The following C2CD3 variants were observed in gnomAD, a reference collection of about 807,000 sequenced individuals.
C2CD3 encodes the protein C2 domain containing 3 centriole elongation regulator.
In C2CD3, 148 loss-of-function variants were observed where a neutral mutation model predicts 234.0. The ratio of observed to expected loss-of-function variants is 0.63; its 90% CI spans 0.55 to 0.72. The LOEUF is 0.72. Among genes scored for constraint, C2CD3 ranks in the 30% least tolerant of loss-of-function variants. C2CD3 has a pLI of 0.00. For missense variants in C2CD3, 2,577 were observed against 2,811.5 expected (o/e 0.92, Z 1.89); for synonymous variants, 1,000 against 1,035.4 (o/e 0.97, Z 0.66).
At chr11:74,151,869 GA>G in intron 3 of C2CD3, among the ~76,000 whole-genome samples, 1 of 152,176 alleles carries the variant, frequency 6.6e-6, no homozygotes, top group East Asian at 1.9e-4. Flanking sequence ...AAGAAAAAAA[GA>G]AAATGTACAT....
chr11:74,104,636 C>G (rs993501958), intron 13 of C2CD3, among the ~76,000 whole-genome samples: 8 of 151,640 alleles, frequency 5.3e-5, no homozygotes, highest in Admixed American at 5.3e-4. Flanking sequence ...ATAAAAAAGT[C>G]TAAATAATTA....
intron 29 of C2CD3, among the ~76,000 whole-genome samples, chr11:74,038,507 C>T (rs77794320): frequency 0.057 from 8,648 of 152,106 alleles, 788 homozygotes; most frequent in African/African-American, 0.2. Context: ...GTGACTTGTC[C>T]AGAGCAGGGA....
At chr11:74,064,227 A>AT (rs1271484915) in intron 24 of C2CD3, among the ~76,000 whole-genome samples, 1 of 152,200 alleles carries the variant, frequency 6.6e-6, no homozygotes, top group Non-Finnish European at 1.5e-5. Flanking sequence ...CAACTTCAGC[A>AT]AAGTCTCAGA....
chr11:74,091,806 A>G (rs1167825177), intron 19 of C2CD3, among the ~76,000 whole-genome samples: 1 of 152,182 alleles, frequency 6.6e-6, no homozygotes, highest in Non-Finnish European at 1.5e-5. Context: ...GCTGAAGTTA[A>G]AGGTGAAATG....
At chr11:74,083,920 T>C (rs1326065006) in intron 22 of C2CD3, among the ~76,000 whole-genome samples, 4 of 152,222 alleles carry the variant, frequency 2.6e-5, no homozygotes, top group Non-Finnish European at 4.4e-5. Context: ...AATTACCATT[T>C]GACCCAGCCA....
At chr11:74,068,611 C>T (rs920246726) in intron 24 of C2CD3, among the ~76,000 whole-genome samples, 1 of 152,108 alleles carries the variant, frequency 6.6e-6, no homozygotes, top group African/African-American at 2.4e-5. Context: ...CACCTAGGTT[C>T]CAATGTAGTC....
At chr11:74,080,348 C>T (rs1453689584) in intron 22 of C2CD3, among the ~76,000 whole-genome samples, 1 of 152,058 alleles carries the variant, frequency 6.6e-6, no homozygotes, top group African/African-American at 2.4e-5. Context: ...ATTTTGATCT[C>T]TAAGGCTCTT....
In C2CD3 at chr11:74,133,489, T is replaced by C. The variant is rs572903720; in HGVS notation, c.1024A>G (p.Thr342Ala). 23 of 1,613,886 alleles carry C rather than the reference T, an allele frequency of 1.4e-5. No homozygotes were observed. The South Asian group carries it at 2.5e-4, about 18-fold the overall frequency. ...VISAMKSSPE[T>A]SMLLDQVHPP... The stretch of plus-strand genomic sequence containing the variant: ...TGAACTTGGTCCAACAACATGCTGG[T>C]CTCTGGGCTTGATTTCATTGCAGAA... Residue 342 changes from threonine to alanine, a missense_variant, in exon 6 of 33, where the codon ACC (threonine) becomes GCC (alanine). By Grantham distance (58) the Thr-to-Ala change is moderately conservative. Transcript: ENST00000334126.
chr11:74,110,754 T>C (rs1364902797), intron 11 of C2CD3, among the ~76,000 whole-genome samples: 1 of 152,236 alleles, frequency 6.6e-6, no homozygotes, highest in Non-Finnish European at 1.5e-5. Context: ...GTTAAGGCAG[T>C]AAGTGAAGAA....
chr11:74,131,483 C>T (rs1957679889), intron 7 of C2CD3, among the ~76,000 whole-genome samples: 2 of 151,962 alleles, frequency 1.3e-5, no homozygotes, highest in Admixed American at 1.3e-4. Context: ...TTATATGTTG[C>T]TGGGTTCGGT....
chr11:74,084,823 T>C, intron 22 of C2CD3, 58 bp downstream of exon 22: 1 of 1,001,854 alleles, frequency 1.0e-6, no homozygotes. Context: ...AGATTACCTC[T>C]TGTAGGGAAG....
intron 28 of C2CD3, among the ~76,000 whole-genome samples, chr11:74,045,523 A>C (rs1018440058): frequency 6.6e-6 from 1 of 152,048 alleles, no homozygotes. Context: ...TAATCCATAG[A>C]TATGGGATGT....
intron 26 of C2CD3, among the ~76,000 whole-genome samples, chr11:74,053,976 A>G (rs1240704443): frequency 6.6e-6 from 1 of 151,744 alleles, no homozygotes; most frequent in Non-Finnish European, 1.5e-5. Context: ...TTGTCTGTAC[A>G]AAAAAATAAT....
intron 23 of C2CD3, among the ~76,000 whole-genome samples, chr11:74,074,900 A>G (rs1397171635): frequency 2.6e-5 from 4 of 151,200 alleles, no homozygotes; most frequent in African/African-American, 9.9e-5. Flanking sequence ...TTTGGGCAAC[A>G]TGGTAAAACC....
intron 22 of C2CD3, 116 bp downstream of exon 22, chr11:74,084,765 G>A: frequency 1.0e-5 from 7 of 677,020 alleles, no homozygotes; most frequent in South Asian, 1.8e-5. Flanking sequence ...AGAAGCATGT[G>A]TTAAGGGGTT....
intron 11 of C2CD3, chr11:74,113,514 A>G: frequency 2.5e-6 from 1 of 393,762 alleles, no homozygotes; most frequent in South Asian, 2.2e-5. Context: ...CCCTGTCTCT[A>G]CTAAAAAATA....
rs941219710 is a variant in C2CD3 at position 74,129,858 on chromosome 11, C to T, written c.1217+2986G>A. The T allele has an allele frequency of 4.4e-3, 478 of 108,932 alleles. 4 individuals are homozygous for T. Among genetic ancestry groups the T allele is most frequent in the Middle Eastern group, 0.031 (10 of 320 alleles). The allele number at this position is 108,932 out of a possible 1,614,324, so 6.7% of individuals were successfully genotyped here. The stretch of plus-strand genomic sequence containing the variant: ...GAGGCCGAGGCTGGCGGATCACTCG[C>T]GGTTAGGAGCTGCAGACCAGCCGGC... On this transcript the variant is annotated intron_variant, in intron 7 of 32. Coordinates refer to ENST00000334126, the MANE Select transcript of C2CD3 (RefSeq NM_001286577.2).
chr11:74,059,282 C>G (rs1368615834), intron 24 of C2CD3, among the ~76,000 whole-genome samples: 7 of 151,724 alleles, frequency 4.6e-5, no homozygotes, highest in African/African-American at 1.7e-4. Flanking sequence ...GTGGTGGTGG[C>G]TGCCTGTAGT....
At chr11:74,077,098 C>T (rs910334622) in intron 23 of C2CD3, among the ~76,000 whole-genome samples, 1 of 152,088 alleles carries the variant, frequency 6.6e-6, no homozygotes, top group Non-Finnish European at 1.5e-5. Context: ...TTCTTTTCTG[C>T]TCTGTTTATT....
Sources: allele counts gnomAD v4.1 joint callset (sites outside exome capture counted in the v4.1 genomes callset), GRCh38; gene constraint gnomAD v4.1.1; transcripts MANE v1.5; gene names NCBI Gene and HGNC (gene_info 2026-07-23, HGNC 2026-07-21).